SCAF11: variants seen among roughly 807,000 people sequenced by gnomAD.
SCAF11 encodes SR-related CTD associated factor 11.
Under a neutral mutation model 140.5 loss-of-function variants are expected in SCAF11, and 47 were observed. The observed-to-expected ratio is 0.33, with a 90% CI of 0.26 to 0.43. SCAF11 has a LOEUF of 0.43. Among genes scored for constraint, SCAF11 ranks in the 20% least tolerant of loss-of-function variants. The pLI, the probability that SCAF11 is intolerant of heterozygous loss-of-function variation, is 1.00. For missense variants in SCAF11, 1,645 were observed against 1,705.1 expected, an observed-to-expected ratio of 0.96 and a Z score of 0.62; for synonymous variants, 557 against 579.4, an observed-to-expected ratio of 0.96 and a Z score of 0.55.
At chr12:45,935,607 T>C (rs1164592681) in intron 6 of SCAF11, among the ~76,000 whole-genome samples, 5 of 152,164 alleles carry the variant, frequency 3.3e-5, no homozygotes, top group Non-Finnish European at 2.9e-5. Flanking sequence ...GGATGCTGAG[T>C]TGTTTTGTTT....
rs1170160802 is a variant in SCAF11 at position 45,972,939 on chromosome 12, GATATATATAT to G, written c.-21-8761_-21-8752del. On this transcript the variant is annotated intron_variant, in intron 1 of 14. Coordinates refer to ENST00000369367, the MANE Select transcript of SCAF11 (RefSeq NM_004719.3). The stretch of plus-strand genomic sequence containing the variant: ...ATATATAGATATATAGATATATATA[GATATATATAT>G]AGATATATAGATATATATATAGATA... Among the ~76,000 whole-genome samples the G allele has an allele frequency of 1.5e-3, 14 of 9,054 alleles. No individual in the cohort carries two copies. The Middle Eastern group carries it at 0.1, about 65-fold the overall frequency. 5.9% of individuals were successfully genotyped at this position (9,054 alleles called of 152,430 possible). A position where few individuals can be genotyped will look rare whatever the true frequency, so the allele number is the denominator to read the frequency against.
intron 1 of SCAF11, chr12:45,975,835 T>A (rs1396551168): frequency 6.6e-6 from 1 of 152,162 alleles, no homozygotes; most frequent in African/African-American, 2.4e-5. Flanking sequence ...ACCTGTCTTA[T>A]ATGGGCGCTC....
chr12:45,972,987 G>GATATAGATATATAGATATAT (rs1240723837), intron 1 of SCAF11, among the ~76,000 whole-genome samples: 1 of 132,806 alleles, frequency 7.5e-6, no homozygotes, highest in Non-Finnish European at 1.5e-5. Context: ...TAGATATATA[G>GATATAGATATATAGATATAT]ATATAGATAT....
chr12:45,931,778 A>C (rs900750149), intron 9 of SCAF11, among the ~76,000 whole-genome samples, 166 bp from the exon 10 acceptor site: 2 of 152,210 alleles, frequency 1.3e-5, no homozygotes, highest in African/African-American at 4.8e-5. Flanking sequence ...CCTTGTCTAA[A>C]GATAGCTACC....
chr12:45,947,031 A>G (rs1366814029), intron 5 of SCAF11, among the ~76,000 whole-genome samples: 1 of 152,200 alleles, frequency 6.6e-6, no homozygotes, highest in Non-Finnish European at 1.5e-5. Flanking sequence ...CAGTGTTATA[A>G]ATTAGTAATA....
chr12:45,973,870 T>A (rs1946171664), intron 1 of SCAF11, among the ~76,000 whole-genome samples: 1 of 152,126 alleles, frequency 6.6e-6, no homozygotes, highest in Admixed American at 6.5e-5. Context: ...AAAAACAATG[T>A]TAGGAATGAT....
chr12:45,950,814 C>G (rs1252343834), intron 4 of SCAF11, among the ~76,000 whole-genome samples: 1 of 152,148 alleles, frequency 6.6e-6, no homozygotes, highest in East Asian at 1.9e-4. Context: ...TTGCTTCCAT[C>G]CCCTTTTCTA....
In SCAF11 at chr12:45,970,389, G is replaced by A. The variant is rs76460162; in HGVS notation, c.-21-6201C>T. Among the ~76,000 whole-genome samples the A allele has an allele frequency of 1.8e-3, 271 of 152,312 alleles. 1 individual carries two copies. The highest frequency in any genetic ancestry group is 3.4e-3 in the Middle Eastern group (1 of 294). On this transcript the variant is annotated intron_variant, in intron 1 of 14. Coordinates refer to ENST00000369367, the MANE Select transcript of SCAF11 (RefSeq NM_004719.3). ...AGATTCTCTGGTTACACAGAAAGAA[G>A]AGGGATATAAATGGCCACGAGGAAA...
rs1426892252 is a variant in SCAF11 at position 45,922,179 on chromosome 12, TCTTA to T, written c.4257_4260del (p.Ser1419ArgfsTer5). 6.2e-7 allele frequency: 1 copy of T among 1,610,320 alleles called. No homozygotes were observed. ...ACTTTAGTAGAATTTACTTCTCCAC[TCTTA>T]CTATGACAAACCTAAGAAAAAAGGG... On this transcript the variant is annotated frameshift_variant, in exon 15 of 15. Coordinates refer to ENST00000369367, the MANE Select transcript of SCAF11 (RefSeq NM_004719.3). LOFTEE classifies it high-confidence loss of function.
At chr12:45,960,291 T>TA (rs1252673224) in intron 3 of SCAF11, among the ~76,000 whole-genome samples, 3 of 152,112 alleles carry the variant, frequency 2.0e-5, no homozygotes, top group African/African-American at 7.2e-5. Context: ...GAGCAAAACA[T>TA]ATACTCCGAT....
At chr12:45,974,578 CT>C (rs1946188858) in intron 1 of SCAF11, 1 of 181,434 alleles carries the variant, frequency 5.5e-6, no homozygotes, top group South Asian at 1.1e-4. Context: ...TTGTTCATCC[CT>C]AAGAAACAAC....
At chr12:45,937,268 G>A (rs2136537088) in intron 6 of SCAF11, among the ~76,000 whole-genome samples, 1 of 151,878 alleles carries the variant, frequency 6.6e-6, no homozygotes, top group East Asian at 1.9e-4. Flanking sequence ...TTCTACTCCT[G>A]TTGAATTTTT....
chr12:45,982,773 G>A (rs924535580), intron 1 of SCAF11, among the ~76,000 whole-genome samples: 1 of 152,140 alleles, frequency 6.6e-6, no homozygotes, highest in African/African-American at 2.4e-5. Flanking sequence ...TTATAACAGT[G>A]TTGTTTTGGC....
At chr12:45,961,915 T>C (rs1945843285) in intron 2 of SCAF11, 58 bp from the exon 3 acceptor site, 20 of 1,447,452 alleles carry the variant, frequency 1.4e-5, no homozygotes, top group Non-Finnish European at 1.8e-5. Context: ...AAATCTTGTG[T>C]TTCTAGGAGT....
At position 45,927,432 on chromosome 12, in the gene SCAF11, T is replaced by A. The variant is rs759088643; in HGVS notation, c.2269A>T (p.Met757Leu). 9 of 1,613,562 alleles carry A rather than the reference T, an allele frequency of 5.6e-6. No individual in the cohort carries two copies. In the African/African-American group the frequency reaches 1.2e-4, roughly 22 times the overall value. ...NSVTHCSENN[M>L]PSSDLADEKV... ...TCATCCGCAAGATCAGAAGACGGCA[T>A]ATTATTTTCAGAACAGTGTGTCACA... The change falls in exon 11 of 15, where the codon ATG becomes TTG. Residue 757 changes from methionine (M) to leucine (L), a missense_variant. By Grantham distance (15) the Met-to-Leu change is conservative (BLOSUM62 2). Around this residue, in one of 2 missense-constraint regions of SCAF11, gnomAD observed 1,582 missense variants for 1,609.2 expected, o/e 0.98. Coordinates refer to ENST00000369367, the MANE Select transcript of SCAF11 (RefSeq NM_004719.3).
intron 1 of SCAF11, among the ~76,000 whole-genome samples, chr12:45,989,984 C>G (rs115895989): frequency 1.8e-4 from 27 of 151,956 alleles, no homozygotes; most frequent in East Asian, 1.2e-3. Context: ...TTCCCCCCCC[C>G]CCGTAGGACC....
intron 1 of SCAF11, among the ~76,000 whole-genome samples, chr12:45,978,898 AAAC>A (rs1355840770): frequency 6.9e-6 from 1 of 145,436 alleles, no homozygotes; most frequent in Non-Finnish European, 1.5e-5. Context: ...CAACAAATAA[AAAC>A]AAACAAACAA....
intron 6 of SCAF11, 133 bp from the exon 7 acceptor site, chr12:45,934,638 T>G (rs1355885392): frequency 3.9e-6 from 2 of 511,194 alleles, no homozygotes; most frequent in East Asian, 6.5e-5. Context: ...TAATACACAA[T>G]TTTTTACACA....
At chr12:45,934,390 T>G in intron 7 of SCAF11, 57 bp downstream of exon 7, 4 of 1,430,574 alleles carry the variant, frequency 2.8e-6, no homozygotes, top group Non-Finnish European at 3.9e-6. Context: ...ATTTATGGAC[T>G]AAATAACCCT....
Sources: allele counts gnomAD v4.1 joint callset (sites outside exome capture counted in the v4.1 genomes callset), GRCh38; gene constraint gnomAD v4.1.1; regional missense constraint gnomAD v4.1.1; transcripts MANE v1.5; gene names NCBI Gene and HGNC (gene_info 2026-07-23, HGNC 2026-07-21).